SRPK2: variants seen among roughly 807,000 people sequenced by gnomAD.
SRPK2 encodes the protein SFRS protein kinase 2.
A neutral mutation model predicts 90.8 loss-of-function variants in SRPK2; 21 were observed. The ratio of observed to expected loss-of-function variants is 0.23; its 90% CI spans 0.16 to 0.33. The LOEUF (loss-of-function observed/expected upper bound fraction) is 0.33. Among genes scored for constraint, SRPK2 ranks in the 10% least tolerant of loss-of-function variants. The pLI is 1.00. For synonymous variants in SRPK2, 288 were observed against 311.1 expected (o/e 0.93, Z 0.78); for missense variants, 620 against 869.0 (o/e 0.71, Z 3.60).
At chr7:105,285,222 C>CA (rs889699914) in intron 2 of SRPK2, among the ~76,000 whole-genome samples, 4 of 151,446 alleles carry the variant, frequency 2.6e-5, no homozygotes, top group Non-Finnish European at 4.4e-5. Flanking sequence ...CCTATCTCTA[C>CA]AAAAAAATCA....
intron 3 of SRPK2, among the ~76,000 whole-genome samples, chr7:105,179,345 T>C (rs1792428183): frequency 6.6e-6 from 1 of 152,234 alleles, no homozygotes; most frequent in Non-Finnish European, 1.5e-5. Context: ...TAGTGTTTAC[T>C]GTTCTGCCAG....
At chr7:105,315,058 C>T (rs1169561281) in intron 2 of SRPK2, among the ~76,000 whole-genome samples, 1 of 152,168 alleles carries the variant, frequency 6.6e-6, no homozygotes, top group Non-Finnish European at 1.5e-5. Context: ...AGGAAGATCA[C>T]TTGAGCACAG....
At chr7:105,176,589 A>ATGTG (rs373147650) in intron 3 of SRPK2, among the ~76,000 whole-genome samples, 26 of 106,936 alleles carry the variant, frequency 2.4e-4, no homozygotes, top group African/African-American at 6.6e-4. Flanking sequence ...GTATGTATAT[A>ATGTG]TGTGTGTGTG....
intron 3 of SRPK2, among the ~76,000 whole-genome samples, chr7:105,184,682 G>A (rs1282937101): frequency 1.3e-5 from 2 of 152,162 alleles, no homozygotes; most frequent in Non-Finnish European, 2.9e-5. Flanking sequence ...TTTGTATAAT[G>A]AAGGTCAGTT....
chr7:105,159,459 A>AAAAAAAAAAAAAAAAAAAAAAAAAAAAC (rs1269859565), intron 7 of SRPK2, among the ~76,000 whole-genome samples: 1 of 147,672 alleles, frequency 6.8e-6, no homozygotes, highest in Non-Finnish European at 1.5e-5. Context: ...AAAAAAAAAA[A>AAAAAAAAAAAAAAAAAAAAAAAAAAAAC]AAAAAAAAAA....
At chr7:105,245,444 C>T (rs1033507595) in intron 2 of SRPK2, among the ~76,000 whole-genome samples, 1 of 152,126 alleles carries the variant, frequency 6.6e-6, no homozygotes, top group South Asian at 2.1e-4. Context: ...AGACTGTGAA[C>T]GACCTGTTTT....
At chr7:105,256,188 A>G (rs965760458) in intron 2 of SRPK2, among the ~76,000 whole-genome samples, 1 of 152,200 alleles carries the variant, frequency 6.6e-6, no homozygotes, top group Admixed American at 6.5e-5. Flanking sequence ...ATCCCCTACA[A>G]TAAGTCTGCA....
intron 2 of SRPK2, among the ~76,000 whole-genome samples, chr7:105,354,019 C>T (rs1456012524): frequency 6.6e-6 from 1 of 152,204 alleles, no homozygotes; most frequent in African/African-American, 2.4e-5. Flanking sequence ...AGCGTTCAGG[C>T]CAGAACCTTC....
intron 7 of SRPK2, among the ~76,000 whole-genome samples, chr7:105,151,297 C>A (rs1377608927): frequency 6.6e-6 from 1 of 152,314 alleles, no homozygotes; most frequent in East Asian, 1.9e-4. Context: ...ACTGCTCAAC[C>A]ATTTACTCAT....
intron 6 of SRPK2, among the ~76,000 whole-genome samples, chr7:105,166,714 T>C (rs1790114330): frequency 6.6e-6 from 1 of 152,158 alleles, no homozygotes; most frequent in Non-Finnish European, 1.5e-5. Context: ...AAATGCAGAG[T>C]ATAGAAAATG....
At chr7:105,236,900 A>G (rs1800212218) in intron 2 of SRPK2, among the ~76,000 whole-genome samples, 1 of 152,266 alleles carries the variant, frequency 6.6e-6, no homozygotes, top group African/African-American at 2.4e-5. Flanking sequence ...TCAAAAGACT[A>G]GTTTGGGAAC....
chr7:105,313,596 A>G (rs540374929), intron 2 of SRPK2, among the ~76,000 whole-genome samples: 2 of 152,066 alleles, frequency 1.3e-5, no homozygotes, highest in East Asian at 3.9e-4. Flanking sequence ...CTAAAATACA[A>G]AAAAATTAGC....
chr7:105,381,147 G>A (rs1229455739), intron 2 of SRPK2, among the ~76,000 whole-genome samples: 15 of 151,920 alleles, frequency 9.9e-5, no homozygotes, highest in Non-Finnish European at 2.1e-4. Context: ...GGGAGGCTGA[G>A]GCATGAGGAG....
chr7:105,147,992 C>G (rs745587742), intron 7 of SRPK2, among the ~76,000 whole-genome samples: 14 of 152,082 alleles, frequency 9.2e-5, no homozygotes, highest in African/African-American at 1.7e-4. Flanking sequence ...TTTGTGTGAA[C>G]ATACTTTTTT....
chr7:105,336,548 CA>C (rs901799353), intron 2 of SRPK2, among the ~76,000 whole-genome samples: 53 of 150,786 alleles, frequency 3.5e-4, no homozygotes, highest in African/African-American at 1.1e-3. Context: ...GACTGAAAAC[CA>C]AAAAAAAAGT....
At chr7:105,150,002 G>T (rs1805383647) in intron 7 of SRPK2, among the ~76,000 whole-genome samples, 3 of 151,794 alleles carry the variant, frequency 2.0e-5, no homozygotes, top group South Asian at 4.2e-4. Context: ...CCTCACAGAG[G>T]TTACCAATTC....
Position 105,160,488 on chromosome 7 carries a change from C to A in SRPK2, c.621+19G>T. The A allele has an allele frequency of 6.7e-7, 1 of 1,503,032 alleles. No individual in the cohort carries two copies. Among genetic ancestry groups the A allele is most frequent in the South Asian group, 1.1e-5 (1 of 88,612 alleles). The allele number at this position is 1,503,032 out of a possible 1,614,324, so 93.1% of individuals were successfully genotyped here. ...CCAATTAGGTACTAGGGCCTAGGGG[C>A]TGCCGTCAAAAGTCTCACCTGTCGA... is the stretch of plus-strand genomic sequence containing the variant. On this transcript the variant is annotated intron_variant, in intron 7 of 15. Transcript: ENST00000393651.
chr7:105,324,582 TGA>T (rs1423760646), intron 2 of SRPK2, among the ~76,000 whole-genome samples: 6 of 152,228 alleles, frequency 3.9e-5, no homozygotes, highest in Non-Finnish European at 8.8e-5. Flanking sequence ...GCTGTTTTAG[TGA>T]GAGTGTCCAT....
At chr7:105,126,140 C>T (rs946238554) in intron 15 of SRPK2, 108 bp downstream of exon 15, 4 of 938,890 alleles carry the variant, frequency 4.3e-6, no homozygotes, top group African/African-American at 3.3e-5. Context: ...TGCTGGGTTG[C>T]GTTTCGAATT....
Sources: allele counts gnomAD v4.1 joint callset (sites outside exome capture counted in the v4.1 genomes callset), GRCh38; gene constraint gnomAD v4.1.1; transcripts MANE v1.5; gene names NCBI Gene and HGNC (gene_info 2026-07-23, HGNC 2026-07-21).